Variants in PCDHGA2 observed in about 807,000 individuals in gnomAD.
PCDHGA2 encodes protocadherin gamma-A2.
PCDHGA2 carries 40 observed loss-of-function variants against 59.2 expected under a neutral mutation model. The observed-to-expected ratio is 0.68, with a 90% confidence interval of 0.52 to 0.88. PCDHGA2 has a LOEUF of 0.88. PCDHGA2 is among the 40% of genes least tolerant of loss of function. The probability of loss-of-function intolerance (pLI) is 0.00; values close to 1 mark genes in which losing one functional copy is unlikely to be tolerated. For synonymous variants in PCDHGA2, 560 were observed against 526.0 expected, an observed-to-expected ratio of 1.06 and a Z score of -0.89; for missense variants, 1,226 against 1,204.0, an observed-to-expected ratio of 1.02 and a Z score of -0.27.
At chr5:141,503,229 T>C (rs986982708) in intron 2 of PCDHGA2, among the ~76,000 whole-genome samples, 1 of 152,080 alleles carries the variant, frequency 6.6e-6, no homozygotes, top group African/African-American at 2.4e-5. Context: ...ACCGTAAAGA[T>C]GGACAGTTTC....
rs114776679 is a variant in PCDHGA2, at chr5:141,400,351, G to A, written c.2424+58956G>A. The A allele has an allele frequency of 1.1e-3, 1,779 of 1,614,070 alleles. 15 individuals are homozygous for A. The African/African-American group carries it at 0.021, about 19-fold the overall frequency. On this transcript the variant is annotated intron_variant, in intron 1 of 3. Coordinates refer to ENST00000394576, the MANE Select transcript of PCDHGA2 (RefSeq NM_018915.4). ...TGTGGTTCCCCCCAACTACAGTCAG[G>A]GGACTTTGCCTTATTCCTACAACCT...
rs70988802 is a variant in PCDHGA2 at position 141,450,006 on chromosome 5, C to CTA, written c.2425-44800_2425-44799insAT. ...CACATTGCATTTAGTTGCCATGTCT[C>CTA]TTTTTTTTTTTTTTTTTTGAGACAG... On this transcript the variant is annotated intron_variant, in intron 1 of 3. Coordinates refer to ENST00000394576, the MANE Select transcript of PCDHGA2 (RefSeq NM_018915.4). Among the ~76,000 whole-genome samples the CTA allele has an allele frequency of 6.0e-5, 8 of 132,986 alleles. 1 individual carries two copies. The highest frequency in any genetic ancestry group is 9.5e-5 in the Non-Finnish European group (6 of 62,926). The allele number at this position is 132,986 out of a possible 152,430, so 87.2% of individuals were successfully genotyped here. A position where few individuals can be genotyped will look rare whatever the true frequency, so the allele number is the denominator to read the frequency against.
intron 1 of PCDHGA2, chr5:141,471,509 TA>T (rs1211467109): frequency 6.6e-6 from 1 of 152,008 alleles, no homozygotes; most frequent in Non-Finnish European, 1.5e-5. Context: ...AGAGAGGGAG[TA>T]AAAATAACAG....
chr5:141,357,302 C>T, intron 1 of PCDHGA2: 1 of 1,614,086 alleles, frequency 6.2e-7, no homozygotes, highest in Non-Finnish European at 8.5e-7. Flanking sequence ...GCCGCTGTCT[C>T]CTGCGTCTTC....
rs775643473 is a variant in PCDHGA2 at position 141,355,907 on chromosome 5, A to G, written c.2424+14512A>G. ...ATTCTCATAATACTTGTGGATACCA[A>G]CGATAATGCTCCCGTGTTCACTCAG... On this transcript the variant is annotated intron_variant, in intron 1 of 3. Coordinates refer to ENST00000394576, the MANE Select transcript of PCDHGA2 (RefSeq NM_018915.4). 3.1e-6 allele frequency: 5 copies of G among 1,613,664 alleles called. No individual in the cohort carries two copies. The African/African-American group carries it at 4.0e-5, about 13-fold the overall frequency.
chr5:141,482,753 G>A (rs2154579665), intron 1 of PCDHGA2, among the ~76,000 whole-genome samples: 1 of 127,136 alleles, frequency 7.9e-6, no homozygotes. Context: ...GAGGGATTAT[G>A]GTATTTCATT....
chr5:141,419,945 T>C (rs2096451536), intron 1 of PCDHGA2: 4 of 1,614,088 alleles, frequency 2.5e-6, no homozygotes, highest in Middle Eastern at 1.6e-4. Context: ...GGTGGTGGCC[T>C]TGGCCTTGAT....
At chr5:141,399,991 G>T (rs1226741326) in intron 1 of PCDHGA2, 3 of 1,612,304 alleles carry the variant, frequency 1.9e-6, no homozygotes, top group Admixed American at 3.3e-5. Context: ...CACAGGAGAG[G>T]TGCGCACAGC....
Position 141,340,079 on chromosome 5 carries a change from A to G in PCDHGA2, c.1108A>G (p.Asn370Asp). The G allele has an allele frequency of 1.9e-6, 3 of 1,614,044 alleles. No homozygotes were observed. Among genetic ancestry groups the G allele is most frequent in the Non-Finnish European group, 1.7e-6 (2 of 1,179,978 alleles). The change falls in exon 1 of 4, where the codon AAT becomes GAT. Residue 370 changes from asparagine (N) to aspartate (D), a missense_variant. Physicochemically the swap from Asn to Asp is conservative, Grantham distance 23 (BLOSUM62 1). Transcript: ENST00000394576. ...SLPGTIIGLF[N>D]VHDRDSGQNA... ...TCCAGGAACCATAATTGGGCTTTTT[A>G]ATGTACATGATAGAGACTCTGGGCA...
At chr5:141,384,310 A>T in intron 1 of PCDHGA2, 2 of 1,613,676 alleles carry the variant, frequency 1.2e-6, no homozygotes, top group East Asian at 4.5e-5. Flanking sequence ...AGGGGCCTCC[A>T]TTTTCTTAGT....
At chr5:141,378,934 C>G (rs1228381656) in intron 1 of PCDHGA2, 3 of 152,166 alleles carry the variant, frequency 2.0e-5, no homozygotes, top group Non-Finnish European at 2.9e-5. Flanking sequence ...GTTGATGGCC[C>G]TGGAATGAAT....
Position 141,485,713 on chromosome 5 carries a change from G to T in PCDHGA2, c.2425-9094G>T. On this transcript the variant is annotated intron_variant, in intron 1 of 3. Transcript: ENST00000394576. The surrounding 1 kb of genome is among the most constrained non-coding windows in gnomAD (Gnocchi z 5.7). ...TGAGCTCCAATGAACACTTTGCACT[G>T]GATGTGAAGAAGCGCAGCGACGGCA... 1 of 1,614,202 alleles carries T rather than the reference G, an allele frequency of 6.2e-7. No individual in the cohort carries two copies. The highest frequency in any genetic ancestry group is 8.5e-7 in the Non-Finnish European group (1 of 1,180,038).
At chr5:141,508,576 C>A (rs1437398161) in intron 3 of PCDHGA2, among the ~76,000 whole-genome samples, 1 of 152,136 alleles carries the variant, frequency 6.6e-6, no homozygotes, top group African/African-American at 2.4e-5. Flanking sequence ...TGCACCCACT[C>A]GGGGTGCTAC....
intron 1 of PCDHGA2, among the ~76,000 whole-genome samples, chr5:141,480,959 C>A (rs1476891394): frequency 1.3e-5 from 2 of 152,086 alleles, no homozygotes; most frequent in East Asian, 3.8e-4. Flanking sequence ...GCGGAAGCAT[C>A]AGTGAGGGAG....
At chr5:141,507,016 G>C (rs913170594) in intron 3 of PCDHGA2, 1 of 152,166 alleles carries the variant, frequency 6.6e-6, no homozygotes, top group African/African-American at 2.4e-5. Context: ...AACCGAGAAG[G>C]CACTTGCCCC....
At chr5:141,352,188 G>T (rs752131601) in intron 1 of PCDHGA2, 3 of 1,613,874 alleles carry the variant, frequency 1.9e-6, no homozygotes, top group Non-Finnish European at 1.7e-6. Context: ...GTCGCTGTGC[G>T]TGATGGAGGA....
At chr5:141,370,800 A>G (rs1767214052) in intron 1 of PCDHGA2, 1 of 1,614,026 alleles carries the variant, frequency 6.2e-7, no homozygotes, top group African/African-American at 1.3e-5. Context: ...CTTTAGCCAA[A>G]ATATCACTGA....
Position 141,394,683 on chromosome 5 carries a change from G to A in PCDHGA2, c.2424+53288G>A, listed in dbSNP as rs1008097766. ...ACTCTTCTCGGTGGGTCTGCACACG[G>A]GCGAGGTGCGCACGGCGCGAGCCCT... On this transcript the variant is annotated intron_variant, in intron 1 of 3. Coordinates refer to ENST00000394576, the MANE Select transcript of PCDHGA2 (RefSeq NM_018915.4). 5 of 1,611,630 alleles carry A rather than the reference G, an allele frequency of 3.1e-6. No homozygotes were observed. In the African/African-American group the frequency reaches 5.4e-5, roughly 17 times the overall value.
chr5:141,399,002 C>A (rs1415503184), intron 1 of PCDHGA2: 2 of 1,613,830 alleles, frequency 1.2e-6, no homozygotes, highest in South Asian at 2.2e-5. Flanking sequence ...AGTCTGAATT[C>A]AAAGAGCGGA....
Sources: allele counts gnomAD v4.1 joint callset (sites outside exome capture counted in the v4.1 genomes callset), GRCh38; gene constraint gnomAD v4.1.1; non-coding constraint Gnocchi (gnomAD v3.1); transcripts MANE v1.5; gene names NCBI Gene and HGNC (gene_info 2026-07-23, HGNC 2026-07-21).